MBP: variants seen among roughly 807,000 people sequenced by gnomAD.
MBP encodes the protein myelin basic protein.
MBP carries 16 observed loss-of-function variants against 35.8 expected under a neutral mutation model. The observed-to-expected ratio is 0.45, with a 90% CI of 0.30 to 0.68. MBP has a LOEUF of 0.68. MBP is among the 30% of genes least tolerant of loss of function. The pLI, the probability that MBP is intolerant of heterozygous loss-of-function variation, is 0.08. For missense variants in MBP, 380 were observed against 404.7 expected (o/e 0.94, Z 0.52); for synonymous variants, 143 against 159.6 (o/e 0.90, Z 0.78).
intron 1 of MBP, among the ~76,000 whole-genome samples, chr18:77,130,076 T>G (rs79097510): frequency 0.024 from 3,478 of 147,136 alleles, 180 homozygotes; most frequent in East Asian, 0.14. Flanking sequence ...AGAAAAGGAG[T>G]AATTAGAATA....
At chr18:77,057,824 GTTTTT>G (rs780881071) in intron 3 of MBP, among the ~76,000 whole-genome samples, 169 of 9,196 alleles carry the variant, frequency 0.018, 58 homozygotes, top group African/African-American at 0.13. Context: ...GGCGGGGAGT[GTTTTT>G]TTTTTTTTTT....
intron 4 of MBP, among the ~76,000 whole-genome samples, chr18:77,007,990 C>G (rs968280311): frequency 6.6e-5 from 10 of 152,208 alleles, no homozygotes; most frequent in African/African-American, 1.7e-4. Context: ...GATACCAAAG[C>G]CTGGGACTCT....
rs551995865 is a variant in MBP at position 77,024,067 on chromosome 18, G to T, written c.140-6799C>A. 3.9e-5 allele frequency among the ~76,000 whole-genome samples: 6 copies of T among 152,350 alleles called. No homozygotes were observed. In the South Asian group the frequency reaches 1.2e-3, roughly 32 times the overall value. Reference sequence around the variant, plus strand: ...CACTCTTCTTTGCTAGAAAAACTTAGATTTTGGCATGATAGCTGTTAAGCT... The same window carrying T: ...CACTCTTCTTTGCTAGAAAAACTTATATTTTGGCATGATAGCTGTTAAGCT... On this transcript the variant is annotated intron_variant, in intron 3 of 8. Transcript: ENST00000355994.
chr18:77,101,339 G>A lies in MBP; in HGVS notation c.51+3872C>T, dbSNP rs982745075. 2.0e-5 allele frequency among the ~76,000 whole-genome samples: 3 copies of A among 152,216 alleles called. No individual in the cohort carries two copies. Among genetic ancestry groups the A allele is most frequent in the African/African-American group, 7.2e-5 (3 of 41,448 alleles). On this transcript the variant is annotated intron_variant, in intron 2 of 8. Coordinates refer to ENST00000355994, the MANE Select transcript of MBP (RefSeq NM_001025101.2). The surrounding 1 kb of genome is among the most constrained non-coding windows in gnomAD (Gnocchi z 4.3). ...AGAAAGCTGGTAAATTAGTGAGGCA[G>A]GACCATTTGGAAACCAAATTTCCCT... is the stretch of plus-strand genomic sequence containing the variant.
Position 77,101,899 on chromosome 18 carries a change from A to G in MBP, c.51+3312T>C, listed in dbSNP as rs1976030991. Among the ~76,000 whole-genome samples, 1 of 152,184 alleles carries G rather than the reference A, an allele frequency of 6.6e-6. No homozygotes were observed. Among genetic ancestry groups the G allele is most frequent in the Non-Finnish European group, 1.5e-5 (1 of 68,034 alleles). On this transcript the variant is annotated intron_variant, in intron 2 of 8. Coordinates refer to ENST00000355994, the MANE Select transcript of MBP (RefSeq NM_001025101.2). This position sits in a 1 kb window ranked among gnomAD's most constrained non-coding sequence, Gnocchi z 4.3. ...CTCAGGAAACTGAGCTTTTATGTGAAAAAGAAGTTAGGAAATAGGTATGAT... is the reference window on the plus strand; with the variant it reads ...CTCAGGAAACTGAGCTTTTATGTGAGAAAGAAGTTAGGAAATAGGTATGAT...
intron 4 of MBP, among the ~76,000 whole-genome samples, chr18:77,009,386 C>T (rs1027481190): frequency 3.9e-5 from 6 of 152,240 alleles, no homozygotes; most frequent in African/African-American, 9.6e-5. Context: ...GGACACTCAT[C>T]GTTTAGAGCT....
chr18:77,129,233 C>T (rs371111016), intron 1 of MBP, among the ~76,000 whole-genome samples: 9 of 152,356 alleles, frequency 5.9e-5, no homozygotes, highest in African/African-American at 1.9e-4. Context: ...CAGACCAACG[C>T]AGTGCTATTC....
chr18:77,009,521 C>A (rs1163089107), intron 4 of MBP, among the ~76,000 whole-genome samples: 9 of 152,278 alleles, frequency 5.9e-5, no homozygotes, highest in African/African-American at 2.2e-4. Context: ...CCGGGCCCCT[C>A]CACGCACTTC....
At chr18:77,085,023 T>C (rs1278366345) in intron 2 of MBP, among the ~76,000 whole-genome samples, 1 of 151,978 alleles carries the variant, frequency 6.6e-6, no homozygotes, top group African/African-American at 2.4e-5. Context: ...AGTTTGATAG[T>C]TGAGTGAATT....
intron 1 of MBP, chr18:77,115,861 T>G (rs1382952759): frequency 6.6e-6 from 1 of 152,156 alleles, no homozygotes; most frequent in African/African-American, 2.4e-5. Flanking sequence ...TCTGGAATTT[T>G]CCAGAGCCTT....
At chr18:77,075,608 T>A (rs1974618852) in intron 2 of MBP, among the ~76,000 whole-genome samples, 2 of 152,194 alleles carry the variant, frequency 1.3e-5, no homozygotes, top group Admixed American at 1.3e-4. Flanking sequence ...AGAAGAAAAC[T>A]GCTGAAACAT....
chr18:77,039,580 C>A (rs1972903049), intron 3 of MBP, among the ~76,000 whole-genome samples: 2 of 152,168 alleles, frequency 1.3e-5, no homozygotes, highest in South Asian at 4.1e-4. Flanking sequence ...TACCCAAGGG[C>A]CACCCTAGAA....
chr18:77,055,976 C>T (rs937818834), intron 3 of MBP, among the ~76,000 whole-genome samples: 4 of 152,260 alleles, frequency 2.6e-5, no homozygotes, highest in East Asian at 1.9e-4. Context: ...TCCCCCTCCC[C>T]GACTCCTCTT....
At chr18:77,006,896 G>C (rs1208336486) in intron 4 of MBP, 2 of 152,668 alleles carry the variant, frequency 1.3e-5, no homozygotes, top group African/African-American at 4.8e-5. Context: ...GGAAGAGAGA[G>C]ACACGAAGAG....
chr18:77,099,796 C>T (rs888788419), intron 2 of MBP, among the ~76,000 whole-genome samples: 2 of 152,330 alleles, frequency 1.3e-5, no homozygotes, highest in South Asian at 2.1e-4. Flanking sequence ...TGGGGGGAGC[C>T]GCCAGCTGGG....
At chr18:76,995,845 T>C (rs1970238179) in intron 4 of MBP, among the ~76,000 whole-genome samples, 1 of 152,132 alleles carries the variant, frequency 6.6e-6, no homozygotes, top group Non-Finnish European at 1.5e-5. Flanking sequence ...TTGGACCTCA[T>C]CAAAGTTTCA....
chr18:77,107,276 A>G (rs1455641089), intron 1 of MBP, among the ~76,000 whole-genome samples: 2 of 152,178 alleles, frequency 1.3e-5, no homozygotes, highest in African/African-American at 4.8e-5. Flanking sequence ...CATTTTGCCC[A>G]TCCAGACATA....
chr18:77,052,437 AGC>A (rs898637431), intron 3 of MBP, among the ~76,000 whole-genome samples: 1 of 152,090 alleles, frequency 6.6e-6, no homozygotes, highest in African/African-American at 2.4e-5. Flanking sequence ...CACTGGCCAG[AGC>A]CCATCCCAGC....
At chr18:77,031,015 AGCCAT>A (rs1202686810) in intron 3 of MBP, among the ~76,000 whole-genome samples, 1 of 152,192 alleles carries the variant, frequency 6.6e-6, no homozygotes, top group African/African-American at 2.4e-5. Flanking sequence ...GAAACTCTAA[AGCCAT>A]ACAGACACTG....
Sources: gnomAD v4.1 joint callset for allele counts (sites outside exome capture counted in the v4.1 genomes callset) on GRCh38, gnomAD v4.1.1 for gene constraint, Gnocchi (gnomAD v3.1) non-coding constraint, MANE v1.5 for transcripts, NCBI Gene and HGNC (gene_info 2026-07-23, HGNC 2026-07-21) for gene names.